The following NLGN1 variants were observed in gnomAD, a reference collection of about 807,000 sequenced individuals.
NLGN1 encodes neuroligin-1.
In NLGN1, 12 loss-of-function variants were observed where a neutral mutation model predicts 65.5. That is an observed-to-expected ratio of 0.18 (90% confidence interval 0.12 to 0.30). The LOEUF (loss-of-function observed/expected upper bound fraction) is 0.30. NLGN1 is among the 10% of genes least tolerant of loss of function. The pLI is 1.00. For missense variants in NLGN1, 750 were observed against 1,007.1 expected, an observed-to-expected ratio of 0.74 and a Z score of 3.46; for synonymous variants, 350 against 359.5, an observed-to-expected ratio of 0.97 and a Z score of 0.30.
chr3:174,100,146 G>A (rs147725035), intron 4 of NLGN1, among the ~76,000 whole-genome samples: 8 of 152,000 alleles, frequency 5.3e-5, no homozygotes, highest in Admixed American at 2.6e-4. Context: ...AGTTTGACTC[G>A]AAACGAAAAC....
At chr3:173,653,275 G>A (rs954506034) in intron 3 of NLGN1, among the ~76,000 whole-genome samples, 17 of 152,084 alleles carry the variant, frequency 1.1e-4, no homozygotes, top group Non-Finnish European at 2.4e-4. Flanking sequence ...TTCCAGTACT[G>A]TGTTGCATAG....
intron 3 of NLGN1, among the ~76,000 whole-genome samples, chr3:173,642,984 T>C (rs1577695738): frequency 6.6e-6 from 1 of 152,184 alleles, no homozygotes; most frequent in African/African-American, 2.4e-5. Context: ...TGTATATATA[T>C]ACACACATCT....
chr3:174,095,370 T>G (rs7613950), intron 4 of NLGN1, among the ~76,000 whole-genome samples: 42,002 of 151,696 alleles, frequency 0.28, 7,524 homozygotes, highest in African/African-American at 0.52. Context: ...ATATCTTATA[T>G]ATTAACTTCC....
intron 2 of NLGN1, among the ~76,000 whole-genome samples, chr3:173,573,493 A>G (rs1484057555): frequency 3.4e-5 from 5 of 148,778 alleles, no homozygotes; most frequent in Non-Finnish European, 7.4e-5. Flanking sequence ...TATATATATT[A>G]ATTATATACA....
At chr3:174,293,638 A>G in the NLGN1 span, among the ~76,000 whole-genome samples, 1 of 151,668 alleles carries the variant, frequency 6.6e-6, no homozygotes, top group Non-Finnish European at 1.5e-5. Context: ...AGAATTTTAT[A>G]TTCAAACAAA....
chr3:174,231,272 A>G (rs2152817437), intron 4 of NLGN1, among the ~76,000 whole-genome samples: 1 of 152,336 alleles, frequency 6.6e-6, no homozygotes, highest in South Asian at 2.1e-4. Flanking sequence ...GAAGCACAGG[A>G]AATTCGCCGA....
intron 4 of NLGN1, among the ~76,000 whole-genome samples, chr3:174,145,600 A>C (rs750809086): frequency 2.0e-5 from 3 of 152,218 alleles, no homozygotes; most frequent in Non-Finnish European, 4.4e-5. Context: ...CCTGCTTTTT[A>C]AAAATGAATC....
intron 2 of NLGN1, among the ~76,000 whole-genome samples, chr3:173,523,094 C>G (rs1048992960): frequency 4.0e-5 from 6 of 150,088 alleles, no homozygotes; most frequent in East Asian, 2.0e-4. Context: ...CTCTTCATGT[C>G]CTTTGCCCAC....
At chr3:174,125,883 C>G (rs936175106) in intron 4 of NLGN1, among the ~76,000 whole-genome samples, 1 of 151,980 alleles carries the variant, frequency 6.6e-6, no homozygotes, top group African/African-American at 2.4e-5. Flanking sequence ...AACTACTATG[C>G]GGTTAAGTCA....
At chr3:173,777,405 T>C (rs933156074) in intron 3 of NLGN1, among the ~76,000 whole-genome samples, 3 of 151,918 alleles carry the variant, frequency 2.0e-5, no homozygotes, top group African/African-American at 7.2e-5. Context: ...ATATAGTAAC[T>C]GTATACCTCT....
chr3:173,396,728 G>T (rs901667752), upstream of NLGN1: 1 of 152,192 alleles, frequency 6.6e-6, no homozygotes, highest in Non-Finnish European at 1.5e-5. Flanking sequence ...CCGAGCTCCG[G>T]CGTTTACCTT....
intron 4 of NLGN1, among the ~76,000 whole-genome samples, chr3:174,089,895 CTT>C (rs10713354): frequency 0.14 from 19,930 of 145,152 alleles, 1,469 homozygotes; most frequent in African/African-American, 0.21. Context: ...CATAAACAGG[CTT>C]TTTTTTTTTT....
intron 2 of NLGN1, among the ~76,000 whole-genome samples, chr3:173,571,971 A>G (rs2149333856): frequency 6.6e-6 from 1 of 152,352 alleles, no homozygotes; most frequent in South Asian, 2.1e-4. Flanking sequence ...CCACTTCCAC[A>G]TTGCAGATGA....
At chr3:173,428,514 C>A (rs953573687) in intron 1 of NLGN1, among the ~76,000 whole-genome samples, 6 of 151,910 alleles carry the variant, frequency 3.9e-5, no homozygotes, top group African/African-American at 1.4e-4. Flanking sequence ...AAACTGATGG[C>A]AACTTAACTT....
chr3:173,886,197 G>T (rs940407390), intron 4 of NLGN1, among the ~76,000 whole-genome samples: 1 of 152,074 alleles, frequency 6.6e-6, no homozygotes, highest in East Asian at 1.9e-4. Context: ...TTAAAACAGG[G>T]AAAACAGTAT....
chr3:174,216,930 A>G (rs1005212288), intron 4 of NLGN1, among the ~76,000 whole-genome samples: 4 of 152,124 alleles, frequency 2.6e-5, no homozygotes, highest in Non-Finnish European at 5.9e-5. Flanking sequence ...GTTATTCAGA[A>G]AAAAACATTT....
chr3:173,797,492 T>C (rs981075046), intron 3 of NLGN1, among the ~76,000 whole-genome samples: 2 of 152,026 alleles, frequency 1.3e-5, no homozygotes, highest in Non-Finnish European at 2.9e-5. Flanking sequence ...TTAATCCTCC[T>C]CCAGGATAAT....
At chr3:174,018,625 A>G (rs1372598759) in intron 4 of NLGN1, among the ~76,000 whole-genome samples, 2 of 152,142 alleles carry the variant, frequency 1.3e-5, no homozygotes, top group Non-Finnish European at 2.9e-5. Flanking sequence ...CTACAGGTAC[A>G]TCTAGAAACG....
rs1316803666 is a variant in NLGN1 at position 174,280,058 on chromosome 3, TGTGA to T, written c.1649+412_1649+415del. Among the ~76,000 whole-genome samples the T allele has an allele frequency of 6.6e-6, 1 of 152,024 alleles. No homozygotes were observed. The highest frequency in any genetic ancestry group is 1.5e-5 in the Non-Finnish European group (1 of 67,946). ...TTTACAAGAAGGAGACCTGAGGCTC[TGTGA>T]GTGTCATAGAGATGTTCACATGTCT... is the stretch of plus-strand genomic sequence containing the variant. On this transcript the variant is annotated intron_variant, in intron 6 of 6. Coordinates refer to ENST00000457714, the Ensembl canonical transcript of NLGN1. This position sits in a 1 kb window ranked among gnomAD's most constrained non-coding sequence, Gnocchi z 4.9.
Sources: allele counts gnomAD v4.1 joint callset (sites outside exome capture counted in the v4.1 genomes callset), GRCh38; gene constraint gnomAD v4.1.1; non-coding constraint Gnocchi (gnomAD v3.1); transcripts MANE v1.5; gene names NCBI Gene and HGNC (gene_info 2026-07-23, HGNC 2026-07-21).